The following DIS3L variants were observed in gnomAD, a reference collection of about 807,000 sequenced individuals.
The protein encoded by DIS3L is DIS3-like exonuclease 1.
Under a neutral mutation model 120.3 loss-of-function variants are expected in DIS3L, and 100 were observed. That is an observed-to-expected ratio of 0.83 (90% CI 0.71 to 0.98). DIS3L has a LOEUF of 0.98. Ranked by LOEUF, DIS3L falls within the 50% of genes least tolerant of loss-of-function variation. DIS3L has a pLI of 0.00. For missense variants in DIS3L, 1,196 were observed against 1,314.2 expected (o/e 0.91, Z 1.39); for synonymous variants, 426 against 470.6 (o/e 0.91, Z 1.23).
At chr15:66,303,220 C>T (rs1017442898) in intron 2 of DIS3L, among the ~76,000 whole-genome samples, 1 of 152,220 alleles carries the variant, frequency 6.6e-6, no homozygotes, top group African/African-American at 2.4e-5. Context: ...ATTGCTTCCA[C>T]CTTTTGCCTG....
Position 66,304,267 on chromosome 15 carries a change from A to C in DIS3L, c.294-2557A>C, listed in dbSNP as rs563187952. The stretch of plus-strand genomic sequence containing the variant: ...GGAGTTTGAGATCAGCCTGGGCAAC[A>C]TGACAAGACCCCGTCTCTACAAAAA... On this transcript the variant is annotated intron_variant, in intron 2 of 16. Coordinates refer to ENST00000319212, the MANE Select transcript of DIS3L (RefSeq NM_001143688.3). Among the ~76,000 whole-genome samples, 12 of 151,952 alleles carry C rather than the reference A, an allele frequency of 7.9e-5. 1 individual carries two copies. In the South Asian group the frequency reaches 2.3e-3, roughly 29 times the overall value.
chr15:66,308,656 A>G, intron 3 of DIS3L, 53 bp from the exon 4 acceptor site: 2 of 1,567,754 alleles, frequency 1.3e-6, no homozygotes, highest in African/African-American at 2.7e-5. Flanking sequence ...ATTCTGAACA[A>G]GAGCTTGTGT....
intron 8 of DIS3L, among the ~76,000 whole-genome samples, chr15:66,319,343 G>A (rs144145356): frequency 1.3e-5 from 2 of 152,332 alleles, no homozygotes; most frequent in Non-Finnish European, 2.9e-5. Flanking sequence ...AAAGAGCTGT[G>A]TAGGACAACC....
At chr15:66,313,789 G>GTA (rs930105767) in intron 5 of DIS3L, among the ~76,000 whole-genome samples, 1,824 of 150,152 alleles carry the variant, frequency 0.012, 29 homozygotes, top group African/African-American at 0.041. Flanking sequence ...ATGTGTGTGT[G>GTA]TATATATATA....
chr15:66,313,799 ATG>A (rs1010520418), intron 5 of DIS3L, among the ~76,000 whole-genome samples: 3 of 143,152 alleles, frequency 2.1e-5, no homozygotes, highest in African/African-American at 5.0e-5. Context: ...GTATATATAT[ATG>A]TGTGTGTGTG....
At chr15:66,327,249 C>T (rs1303605357) in intron 12 of DIS3L, among the ~76,000 whole-genome samples, 2 of 152,026 alleles carry the variant, frequency 1.3e-5, no homozygotes, top group African/African-American at 4.8e-5. Flanking sequence ...ATTTGTAATA[C>T]AGAAGTAGGG....
Position 66,308,738 on chromosome 15 carries a change from A to G in DIS3L, c.452A>G (p.Tyr151Cys), listed in dbSNP as rs775089933. The G allele has an allele frequency of 1.2e-6, 2 of 1,613,348 alleles. No homozygotes were observed. Among genetic ancestry groups the G allele is most frequent in the East Asian group, 2.2e-5 (1 of 44,860 alleles). Reference protein sequence around the residue: ...RSIYNAAVWYYHHCQDRMPIV... With the variant: ...RSIYNAAVWYCHHCQDRMPIV... ...ATATACAACGCAGCTGTTTGGTACT[A>G]TCATCACTGCCAGGACAGGATGCCA... Residue 151 changes from tyrosine (Y) to cysteine (C), a missense_variant, in exon 4 of 17, where the codon TAT (tyrosine) becomes TGT (cysteine). Tyr to Cys is a radical substitution (Grantham distance 194). Transcript: ENST00000319212.
At chr15:66,326,387 G>C in intron 12 of DIS3L, 23 bp downstream of exon 12, 1 of 1,604,634 alleles carries the variant, frequency 6.2e-7, no homozygotes, top group South Asian at 1.1e-5. Flanking sequence ...TGAGGGGGCA[G>C]AGGAATGGAG....
At chr15:66,300,475 C>T (rs1006798067) in intron 2 of DIS3L, among the ~76,000 whole-genome samples, 13 of 152,116 alleles carry the variant, frequency 8.5e-5, no homozygotes, top group African/African-American at 1.9e-4. Context: ...ATTAGATCGA[C>T]GGTGATGGTT....
Position 66,326,085 on chromosome 15 carries a change from C to G in DIS3L, c.1922C>G (p.Ala641Gly). Residue 641 changes from alanine to glycine, a missense_variant, in exon 12 of 17, where the codon GCT becomes GGT. Coordinates refer to ENST00000319212, the MANE Select transcript of DIS3L (RefSeq NM_001143688.3). ...KLTDIARHVR[A>G]KRDGCGALEL... Reference sequence around the variant, plus strand: ...ACCGACATAGCTCGCCATGTCAGAGCTAAACGAGACGGATGTGGTGCCCTG... The same window carrying G: ...ACCGACATAGCTCGCCATGTCAGAGGTAAACGAGACGGATGTGGTGCCCTG... 1.2e-6 allele frequency: 2 copies of G among 1,614,150 alleles called. No individual in the cohort carries two copies. The highest frequency in any genetic ancestry group is 1.7e-6 in the Non-Finnish European group (2 of 1,180,024).
chr15:66,327,271 T>C (rs117087945), intron 12 of DIS3L, among the ~76,000 whole-genome samples: 2 of 152,310 alleles, frequency 1.3e-5, no homozygotes, highest in East Asian at 3.9e-4. Context: ...ACCTGTTAGT[T>C]ACCCTTGATT....
chr15:66,304,507 G>A (rs560040324), intron 2 of DIS3L, among the ~76,000 whole-genome samples: 15 of 152,194 alleles, frequency 9.9e-5, no homozygotes, highest in Non-Finnish European at 1.8e-4. Flanking sequence ...TATGTTCTAC[G>A]CATCTTGAGA....
upstream of DIS3L, chr15:66,293,347 A>T: frequency 4.0e-6 from 2 of 505,638 alleles, no homozygotes; most frequent in Non-Finnish European, 2.8e-6. Context: ...GTATCATCCT[A>T]GTCTTCCCTC....
chr15:66,294,849 C>A (rs2271531), intron 1 of DIS3L, 139 bp from the exon 2 acceptor site: 181,397 of 908,248 alleles, frequency 0.2, 19,875 homozygotes, highest in East Asian at 0.43. Flanking sequence ...GGGCCTCTAC[C>A]AAAGTAGATT....
intron 2 of DIS3L, among the ~76,000 whole-genome samples, chr15:66,305,767 G>A (rs1416202258): frequency 6.6e-6 from 1 of 151,998 alleles, no homozygotes; most frequent in Non-Finnish European, 1.5e-5. Flanking sequence ...CTGGGCTCAA[G>A]CAATCCTCCT....
chr15:66,314,146 A>AT (rs780317941), intron 6 of DIS3L, 29 bp downstream of exon 6: 15 of 1,419,170 alleles, frequency 1.1e-5, no homozygotes, highest in Non-Finnish European at 1.8e-6. Context: ...ATAAATTTCC[A>AT]TACTCCTTTT....
chr15:66,294,964 C>G (rs1413114960), intron 1 of DIS3L, 24 bp from the exon 2 acceptor site: 4 of 1,583,132 alleles, frequency 2.5e-6, no homozygotes, highest in Non-Finnish European at 2.6e-6. Context: ...TGTCTAATCT[C>G]TTACATTTTG....
chr15:66,308,728 G>A lies in DIS3L; in HGVS notation c.442G>A (p.Val148Ile), dbSNP rs2092725558. The A allele has an allele frequency of 6.2e-7, 1 of 1,612,810 alleles. No homozygotes were observed. Among genetic ancestry groups the A allele is most frequent in the East Asian group, 2.2e-5 (1 of 44,866 alleles). Reference protein sequence around the residue: ...WQTRSIYNAAVWYYHHCQDRM... With the variant: ...WQTRSIYNAAIWYYHHCQDRM... ...TTCCAGGAGCATATACAACGCAGCTGTTTGGTACTATCATCACTGCCAGGA... is the reference window on the plus strand; with the variant it reads ...TTCCAGGAGCATATACAACGCAGCTATTTGGTACTATCATCACTGCCAGGA... Residue 148 changes from valine to isoleucine, a missense_variant, in exon 4 of 17, where the codon GTT becomes ATT. By Grantham distance (29) the Val-to-Ile change is conservative. Coordinates refer to ENST00000319212, the MANE Select transcript of DIS3L (RefSeq NM_001143688.3).
Position 66,315,086 on chromosome 15 carries a change from A to AT in DIS3L, c.867dup (p.His290SerfsTer12). 1 of 1,614,148 alleles carries AT rather than the reference A, an allele frequency of 6.2e-7. No individual in the cohort carries two copies. The highest frequency in any genetic ancestry group is 2.2e-5 in the East Asian group (1 of 44,874). On this transcript the variant is annotated frameshift_variant, in exon 7 of 17. Transcript: ENST00000319212. LOFTEE classifies it high-confidence loss of function. ...CGGGATGAAGGCTCGAAACCGCTCA[A>AT]TTCATGGAGATGTGGTAGTTGTGGA...
Sources: allele counts gnomAD v4.1 joint callset (sites outside exome capture counted in the v4.1 genomes callset), GRCh38; gene constraint gnomAD v4.1.1; transcripts MANE v1.5; gene names NCBI Gene and HGNC (gene_info 2026-07-23, HGNC 2026-07-21).